LTBP2: variants seen among roughly 807,000 people sequenced by gnomAD.
LTBP2 encodes latent transforming growth factor beta binding protein 2.
A neutral mutation model predicts 210.6 loss-of-function variants in LTBP2; 103 were observed. That is an observed-to-expected ratio of 0.49 (90% CI 0.42 to 0.58). LTBP2 has a LOEUF of 0.58. Among genes scored for constraint, LTBP2 ranks in the 20% least tolerant of loss-of-function variants. The pLI, the probability that LTBP2 is intolerant of heterozygous loss-of-function variation, is 0.00. For synonymous variants in LTBP2, 1,007 were observed against 1,015.0 expected, an observed-to-expected ratio of 0.99 and a Z score of 0.15; for missense variants, 2,313 against 2,494.5, an observed-to-expected ratio of 0.93 and a Z score of 1.55.
intron 2 of LTBP2, among the ~76,000 whole-genome samples, chr14:74,597,458 A>G (rs1204717648): frequency 6.6e-6 from 1 of 152,156 alleles, no homozygotes; most frequent in African/African-American, 2.4e-5. Flanking sequence ...ACTGCCAGCC[A>G]CCCATGCCAT....
chr14:74,522,418 C>T (rs984331953), intron 16 of LTBP2, among the ~76,000 whole-genome samples: 4 of 152,096 alleles, frequency 2.6e-5, no homozygotes, highest in South Asian at 2.1e-4. Context: ...CCTCCCCCTA[C>T]GGATGACCCT....
chr14:74,534,263 T>C (rs1272942957), intron 9 of LTBP2, among the ~76,000 whole-genome samples: 1 of 152,124 alleles, frequency 6.6e-6, no homozygotes, highest in Non-Finnish European at 1.5e-5. Flanking sequence ...CCTAACATGG[T>C]ATCCAAGGCC....
At chr14:74,565,974 G>A (rs1413449652) in intron 3 of LTBP2, among the ~76,000 whole-genome samples, 4 of 152,122 alleles carry the variant, frequency 2.6e-5, no homozygotes. Context: ...CGAACAAGCC[G>A]TAAATTAATA....
At chr14:74,552,159 C>A (rs1476156189) in intron 6 of LTBP2, 28 bp downstream of exon 6, 2 of 1,562,006 alleles carry the variant, frequency 1.3e-6, no homozygotes, top group Non-Finnish European at 1.7e-6. Flanking sequence ...TCCCAGGGTC[C>A]CGCCGGCCCA....
rs769794634 is a variant in LTBP2, at chr14:74,586,102, C to T, written c.582G>A (p.Pro194=). The stretch of plus-strand genomic sequence containing the variant: ...GGCTGCAGGAGCCCCGGTTCTGGCA[C>T]GGCGGCTCGCAAACGGCTGAGGACA... ...NHCIKPVCEP[P]CQNRGSCSRP... Residue 194 remains proline, a synonymous_variant, in exon 3 of 36, where the codon CCG becomes CCA. Coordinates refer to ENST00000261978, the MANE Select transcript of LTBP2 (RefSeq NM_000428.3). This position sits in a 1 kb window ranked among gnomAD's most constrained non-coding sequence, Gnocchi z 4.6. 31 of 1,596,438 alleles carry T rather than the reference C, an allele frequency of 1.9e-5. No individual in the cohort carries two copies. Among genetic ancestry groups the T allele is most frequent in the East Asian group, 1.8e-4 (8 of 44,136 alleles).
Position 74,522,014 on chromosome 14 carries a change from G to A in LTBP2, c.2685C>T (p.Pro895=), listed in dbSNP as rs758656528. ...CTDDNECLRD[P]CKGKGRCINR... is the part of the protein sequence containing the mutation. ...TGATGCAGCGCCCTTTTCCCTTGCA[G>A]GGGTCCCTCAGACACTCGTTGTCAT... Residue 895 remains proline, a synonymous_variant, in exon 17 of 36, where the codon CCC becomes CCT. Coordinates refer to ENST00000261978, the MANE Select transcript of LTBP2 (RefSeq NM_000428.3). 1.2e-6 allele frequency: 2 copies of A among 1,613,704 alleles called. No individual in the cohort carries two copies. The highest frequency in any genetic ancestry group is 2.7e-5 in the African/African-American group (2 of 75,048).
At chr14:74,568,357 T>C (rs936050226) in intron 3 of LTBP2, among the ~76,000 whole-genome samples, 5 of 151,946 alleles carry the variant, frequency 3.3e-5, no homozygotes, top group African/African-American at 9.7e-5. Flanking sequence ...AGGTAAGCTG[T>C]CCAGCCAGCA....
intron 8 of LTBP2, among the ~76,000 whole-genome samples, chr14:74,536,334 A>G (rs2087421067): frequency 6.6e-6 from 1 of 152,170 alleles, no homozygotes; most frequent in Non-Finnish European, 1.5e-5. Context: ...GAGGGGAGAT[A>G]TTGATCAAAG....
rs1286132702 is a variant in LTBP2 at position 74,509,768 on chromosome 14, C to A, written c.3243G>T (p.Gly1081=). ...CAGTGCCGTCTTCATTCACCCAGTA[C>A]CCGTTCTCACAGGCAGAGCAGGCGA... ...GSFACSACEN[G]YWVNEDGTAC... The change falls in exon 21 of 36, where the codon GGG becomes GGT. Residue 1081 remains glycine, a synonymous_variant. Transcript: ENST00000261978. 3 of 1,613,996 alleles carry A rather than the reference C, an allele frequency of 1.9e-6. No individual in the cohort carries two copies. The South Asian group carries it at 3.3e-5, about 18-fold the overall frequency.
At chr14:74,507,028 G>A in intron 26 of LTBP2, 151 bp downstream of exon 26, 1 of 1,528,488 alleles carries the variant, frequency 6.5e-7, no homozygotes. Flanking sequence ...CAGTCCTGTG[G>A]CATCTTTCAT....
Position 74,500,221 on chromosome 14 carries a change from G to A in LTBP2, c.*663C>T. ...CTCTTGCTGCTTTCTCAGGCTCTTT[G>A]TTCTTCTTCATTTGTGTCTCTTACA... is the stretch of plus-strand genomic sequence containing the variant. On this transcript the variant is annotated 3_prime_UTR_variant, in exon 36 of 36. Transcript: ENST00000261978. 1 of 234,854 alleles carries A rather than the reference G, an allele frequency of 4.3e-6. No homozygotes were observed. The highest frequency in any genetic ancestry group is 8.4e-6 in the Non-Finnish European group (1 of 119,180). 14.5% of individuals were successfully genotyped at this position (234,854 alleles called of 1,614,324 possible).
In LTBP2 at chr14:74,505,962, G is replaced by A. The variant is rs935996135; in HGVS notation, c.4177+86C>T. 28 of 1,556,550 alleles carry A rather than the reference G, an allele frequency of 1.8e-5. No individual in the cohort carries two copies. In the African/African-American group the frequency reaches 2.6e-4, roughly 14 times the overall value. On this transcript the variant is annotated intron_variant, in intron 28 of 35. Coordinates refer to ENST00000261978, the MANE Select transcript of LTBP2 (RefSeq NM_000428.3). ...GCCCTGGCCCAGTGTCCCCCTCAGC[G>A]GCTAGAGGCTAGTAGAGGGATGCAG...
intron 2 of LTBP2, among the ~76,000 whole-genome samples, chr14:74,597,386 G>T (rs1398149076): frequency 6.6e-6 from 1 of 152,236 alleles, no homozygotes; most frequent in Non-Finnish European, 1.5e-5. Flanking sequence ...TAAGACGTCA[G>T]GTAGAGAGGG....
intron 3 of LTBP2, among the ~76,000 whole-genome samples, chr14:74,579,164 C>G (rs1052492664): frequency 2.0e-5 from 3 of 152,192 alleles, no homozygotes; most frequent in Admixed American, 6.5e-5. Context: ...GCCCCAGCAC[C>G]TAGTTTCTGA....
intron 17 of LTBP2, among the ~76,000 whole-genome samples, chr14:74,520,658 G>A (rs10140017): frequency 0.033 from 5,036 of 152,126 alleles, 267 homozygotes; most frequent in African/African-American, 0.12. Context: ...AAAATTAGCC[G>A]AGCGTGGTGG....
At chr14:74,517,527 C>T (rs1436536599) in intron 17 of LTBP2, among the ~76,000 whole-genome samples, 2 of 152,112 alleles carry the variant, frequency 1.3e-5, no homozygotes, top group Admixed American at 6.5e-5. Context: ...CCCGCTACCA[C>T]ACCCAGCTAA....
intron 8 of LTBP2, among the ~76,000 whole-genome samples, chr14:74,546,444 C>T (rs2087576798): frequency 1.3e-5 from 2 of 152,232 alleles, no homozygotes; most frequent in African/African-American, 2.4e-5. Context: ...ACAAGGCTCC[C>T]CAACGTCTTG....
chr14:74,554,230 GAA>G (rs1431742686), intron 4 of LTBP2, among the ~76,000 whole-genome samples: 4 of 152,118 alleles, frequency 2.6e-5, no homozygotes, highest in Non-Finnish European at 5.9e-5. Context: ...CCAGGCACAG[GAA>G]CTCACGCCTG....
intron 13 of LTBP2, 80 bp downstream of exon 13, chr14:74,527,267 A>G (rs2087285079): frequency 6.5e-7 from 1 of 1,527,468 alleles, no homozygotes; most frequent in South Asian, 1.2e-5. Context: ...CTCATGAGAC[A>G]CTGCCCTGGG....
Sources: gnomAD v4.1 joint callset for allele counts (sites outside exome capture counted in the v4.1 genomes callset) on GRCh38, gnomAD v4.1.1 for gene constraint, Gnocchi (gnomAD v3.1) non-coding constraint, MANE v1.5 for transcripts, NCBI Gene and HGNC (gene_info 2026-07-23, HGNC 2026-07-21) for gene names.